Variants in DESI1 observed in about 807,000 individuals in gnomAD.
The protein encoded by DESI1 is desumoylating isopeptidase 1, also known as PPPDE peptidase domain containing 2.
Under a neutral mutation model 22.4 loss-of-function variants are expected in DESI1, and 17 were observed. The observed-to-expected ratio is 0.76, with a 90% confidence interval of 0.52 to 1.14. The LOEUF (loss-of-function observed/expected upper bound fraction) is 1.14, where lower values mean the gene tolerates loss of function less well. Among genes scored for constraint, DESI1 ranks in the 50% most tolerant of loss-of-function variants. DESI1 has a pLI of 0.00. For missense variants in DESI1, 177 were observed against 208.9 expected (o/e 0.85, Z 0.94); for synonymous variants, 92 against 84.2 (o/e 1.09, Z -0.51).
At chr22:41,619,183 GT>G (rs1439984745) in intron 1 of DESI1, among the ~76,000 whole-genome samples, 2 of 152,128 alleles carry the variant, frequency 1.3e-5, no homozygotes, top group Non-Finnish European at 2.9e-5. Context: ...TTAACAACTG[GT>G]TATCTAGGCC....
chr22:41,618,819 C>A (rs945762775), intron 1 of DESI1, among the ~76,000 whole-genome samples: 2 of 152,110 alleles, frequency 1.3e-5, no homozygotes, highest in Admixed American at 6.5e-5. Flanking sequence ...AATCCCAGCA[C>A]GTTGGGAGGC....
At position 41,603,500 on chromosome 22, in the gene DESI1, C is replaced by T. The variant is rs567096007; in HGVS notation, c.291-119G>A. ...TCAATGTGAGGATTGCGATTTCCCC[C>T]GTCTCATACACCAGAAAAGCACTGC... is the stretch of plus-strand genomic sequence containing the variant. On this transcript the variant is annotated intron_variant, in intron 4 of 5. Transcript: ENST00000263256. 108 of 1,467,156 alleles carry T rather than the reference C, an allele frequency of 7.4e-5. No individual in the cohort carries two copies. In the East Asian group the frequency reaches 2.1e-3, roughly 29 times the overall value. The allele number at this position is 1,467,156 out of a possible 1,614,324, so 90.9% of individuals were successfully genotyped here.
chr22:41,607,816 A>G lies in DESI1; in HGVS notation c.110+24T>C, dbSNP rs183060986. The G allele has an allele frequency of 2.0e-3, 3,167 of 1,614,176 alleles. 4 individuals carry two copies. The highest frequency in any genetic ancestry group is 4.3e-3 in the Admixed American group (260 of 60,028). ...GCTGCCTTGTTTCAAAACTAGTCAA[A>G]GTAAGGAGACCCACCCAACTTACCA... On this transcript the variant is annotated intron_variant, in intron 2 of 5. Transcript: ENST00000263256.
In DESI1 at chr22:41,604,067, G is replaced by A; in HGVS notation, c.267C>T (p.Ser89=). The A allele has an allele frequency of 6.2e-7, 1 of 1,613,726 alleles. No homozygotes were observed. Among genetic ancestry groups the A allele is most frequent in the Non-Finnish European group, 8.5e-7 (1 of 1,179,968 alleles). ...VTEEIFLEYL[S]SLGESLFRGE... ...ACCGGAACAGGGACTCCCCCAGGGA[G>A]GAGAGGTACTCCAGAAAGATTTCTT... The change falls in exon 4 of 6, where the codon TCC becomes TCT. Residue 89 remains serine (S), a synonymous_variant. Coordinates refer to ENST00000263256, the MANE Select transcript of DESI1 (RefSeq NM_015704.3).
intron 1 of DESI1, among the ~76,000 whole-genome samples, chr22:41,619,754 A>T (rs967649384): frequency 1.3e-5 from 2 of 152,202 alleles, no homozygotes; most frequent in Non-Finnish European, 2.9e-5. Flanking sequence ...AGCCTCCCTT[A>T]CTTGATCTCT....
chr22:41,607,265 G>T lies in DESI1; in HGVS notation c.177C>A (p.Pro59=), dbSNP rs756150584. The change falls in exon 3 of 6, where the codon CCC becomes CCA. Residue 59 remains proline (P), a synonymous_variant. Transcript: ENST00000263256. Reference sequence around the variant, plus strand: ...GAGTGTAGGGGAAGACACTCACCGGGGGGCAGCTGGAGATACCACCACTGC... The same window carrying T: ...GAGTGTAGGGGAAGACACTCACCGGTGGGCAGCTGGAGATACCACCACTGC... ...FFGSGGISSC[P]PGGTLLGPPD... The T allele has an allele frequency of 3.1e-6, 5 of 1,609,274 alleles. No homozygotes were observed. The South Asian group carries it at 5.5e-5, about 18-fold the overall frequency.
chr22:41,620,885 C>T lies in DESI1; in HGVS notation c.-46G>A, dbSNP rs1285513380. ...GCCACGACGGCCCTCGGGCACCCGGCAGCGGCTTGGACCTTCCCGTACCCG... is the reference window on the plus strand; with the variant it reads ...GCCACGACGGCCCTCGGGCACCCGGTAGCGGCTTGGACCTTCCCGTACCCG... On this transcript the variant is annotated 5_prime_UTR_variant, in exon 1 of 6. Transcript: ENST00000263256. 1 of 1,577,170 alleles carries T rather than the reference C, an allele frequency of 6.3e-7. No homozygotes were observed. Among genetic ancestry groups the T allele is most frequent in the African/African-American group, 1.4e-5 (1 of 73,868 alleles).
intron 4 of DESI1, 67 bp downstream of exon 4, chr22:41,603,977 G>A: frequency 7.1e-7 from 1 of 1,403,838 alleles, no homozygotes. Context: ...CATGGCAGCT[G>A]CCTCCAGGGG....
At chr22:41,620,681 C>T (rs1442404725) in intron 1 of DESI1, 71 bp downstream of exon 1, 3 of 1,463,214 alleles carry the variant, frequency 2.1e-6, no homozygotes, top group East Asian at 2.5e-5. Context: ...CCCAAGTCTC[C>T]CCACCTCGGC....
At chr22:41,607,443 A>G (rs976953700) in intron 2 of DESI1, 112 bp from the exon 3 acceptor site, 1 of 1,034,954 alleles carries the variant, frequency 9.7e-7, no homozygotes, top group Non-Finnish European at 1.4e-6. Flanking sequence ...TGTGGGGACC[A>G]GTCTTATAAA....
At chr22:41,607,240 G>C (rs750312096) in intron 3 of DESI1, 22 bp downstream of exon 3, 1 of 1,588,918 alleles carries the variant, frequency 6.3e-7, no homozygotes, top group Non-Finnish European at 8.6e-7. Flanking sequence ...CTGCAGGACA[G>C]AGTGTAGGGG....
chr22:41,615,225 C>T (rs371422541), intron 1 of DESI1, among the ~76,000 whole-genome samples: 1 of 142,316 alleles, frequency 7.0e-6, no homozygotes, highest in African/African-American at 2.6e-5. Context: ...GTCAGGAGAT[C>T]GAGACCATCC....
chr22:41,599,640 A>G lies in DESI1; in HGVS notation c.*1457T>C, dbSNP rs1455416220. On this transcript the variant is annotated 3_prime_UTR_variant, in exon 6 of 6. Transcript: ENST00000263256. ...ACTGGTACGATCTCGGCTCATCGCA[A>G]TCTCTGCCTCCCGGGTTCAAGCGAT... 6.6e-6 allele frequency: 1 copy of G among 151,884 alleles called. No individual in the cohort carries two copies. The highest frequency in any genetic ancestry group is 1.5e-5 in the Non-Finnish European group (1 of 67,990). 9.4% of individuals were successfully genotyped at this position (151,884 alleles called of 1,614,324 possible). A position where few individuals can be genotyped will look rare whatever the true frequency, so the allele number is the denominator to read the frequency against.
chr22:41,611,115 A>G (rs1385889516), intron 1 of DESI1, among the ~76,000 whole-genome samples: 62 of 152,126 alleles, frequency 4.1e-4, no homozygotes, highest in Non-Finnish European at 1.2e-4. Flanking sequence ...TGTTTACTAT[A>G]TGTAAAATGG....
chr22:41,601,038 GTTTGT>G lies in DESI1; in HGVS notation c.*54_*58del. On this transcript the variant is annotated 3_prime_UTR_variant, in exon 6 of 6. Coordinates refer to ENST00000263256, the MANE Select transcript of DESI1 (RefSeq NM_015704.3). ...AATTATAAAATAGAAATCTGGTAGG[GTTTGT>G]TTTGTTTAAAAAGGAAAAGCCCTGG... 7.0e-7 allele frequency: 1 copy of G among 1,432,164 alleles called. No individual in the cohort carries two copies. Among genetic ancestry groups the G allele is most frequent in the South Asian group, 1.2e-5 (1 of 83,158 alleles). The allele number at this position is 1,432,164 out of a possible 1,614,324, so 88.7% of individuals were successfully genotyped here.
rs2067447971 is a variant in DESI1, at chr22:41,601,179, T to G, written c.425A>C (p.Gln142Pro). The part of the protein sequence containing the change: ...PSEVLSTPFG[Q>P]ALRPLLDSIQ... ...GGAGTCCAGGAGGGGCCGAAGTGCC[T>G]GTCCAAAGGGCCTGCAAGGAAACAG... The change falls in exon 6 of 6, where the codon CAG becomes CCG. Residue 142 changes from glutamine (Q) to proline (P), a missense_variant. Coordinates refer to ENST00000263256, the MANE Select transcript of DESI1 (RefSeq NM_015704.3). The G allele has an allele frequency of 6.2e-7, 1 of 1,610,250 alleles. No individual in the cohort carries two copies. Among genetic ancestry groups the G allele is most frequent in the East Asian group, 2.2e-5 (1 of 44,770 alleles).
At chr22:41,620,166 C>T (rs2067577048) in intron 1 of DESI1, among the ~76,000 whole-genome samples, 1 of 152,146 alleles carries the variant, frequency 6.6e-6, no homozygotes, top group Admixed American at 6.6e-5. Flanking sequence ...TTCTGGAGTT[C>T]GGGGCTCCTC....
chr22:41,615,198 G>A (rs2147049066), intron 1 of DESI1, among the ~76,000 whole-genome samples: 1 of 150,020 alleles, frequency 6.7e-6, no homozygotes, highest in South Asian at 2.1e-4. Context: ...GGGAGGCCGA[G>A]GCGGGAGGAT....
At chr22:41,613,633 G>C (rs2067531503) in intron 1 of DESI1, among the ~76,000 whole-genome samples, 1 of 152,212 alleles carries the variant, frequency 6.6e-6, no homozygotes, top group Non-Finnish European at 1.5e-5. Flanking sequence ...GTGCTATTGA[G>C]GACAAAGTTC....
Sources: gnomAD v4.1 joint callset for allele counts (sites outside exome capture counted in the v4.1 genomes callset) on GRCh38, gnomAD v4.1.1 for gene constraint, MANE v1.5 for transcripts, NCBI Gene and HGNC (gene_info 2026-07-23, HGNC 2026-07-21) for gene names.